The following ADGRV1 variants were observed in gnomAD, a reference collection of about 807,000 sequenced individuals.
The protein encoded by ADGRV1 is G-protein coupled receptor 98.
In ADGRV1, 359 loss-of-function variants were observed where a neutral mutation model predicts 596.2. That is an observed-to-expected ratio of 0.60 (90% confidence interval 0.55 to 0.66). The LOEUF (loss-of-function observed/expected upper bound fraction) is 0.66. ADGRV1 is among the 30% of genes least tolerant of loss of function. The pLI is 0.00. For synonymous variants in ADGRV1, 2,681 were observed against 2,679.2 expected (o/e 1.00, Z -0.02); for missense variants, 7,274 against 7,575.6 (o/e 0.96, Z 1.48).
intron 9 of ADGRV1, chr5:90,630,472 AAT>A (rs1421748263): frequency 6.6e-6 from 1 of 152,174 alleles, no homozygotes; most frequent in Non-Finnish European, 1.5e-5. Context: ...CAAAGTATAA[AAT>A]ATCTGCACTC....
At position 90,706,268 on chromosome 5, in the gene ADGRV1, GCTGAGT is replaced by G. The variant is rs746243525; in HGVS notation, c.8609_8614del (p.Ser2870_Leu2871del). 1 of 1,613,364 alleles carries G rather than the reference GCTGAGT, an allele frequency of 6.2e-7. No individual in the cohort carries two copies. Among genetic ancestry groups the G allele is most frequent in the South Asian group, 1.1e-5 (1 of 90,900 alleles). On this transcript the variant is annotated inframe_deletion, in exon 38 of 90. Transcript: ENST00000405460. ...TCACATATACCACGGTTCCTGGAAT[GCTGAGT>G]CTGAAGAACCAAACAGTAGGAAACC...
At chr5:90,782,596 A>G (rs1317884000) in intron 65 of ADGRV1, among the ~76,000 whole-genome samples, 2 of 152,170 alleles carry the variant, frequency 1.3e-5, no homozygotes, top group Non-Finnish European at 2.9e-5. Context: ...CAAACATTGA[A>G]GACACATTTT....
chr5:90,877,690 A>T (rs1769348120), intron 83 of ADGRV1, among the ~76,000 whole-genome samples: 1 of 151,640 alleles, frequency 6.6e-6, no homozygotes, highest in Non-Finnish European at 1.5e-5. Flanking sequence ...AAGTGAAGAG[A>T]TAGGAAAAAA....
chr5:90,800,184 C>G (rs1581164552), intron 70 of ADGRV1, among the ~76,000 whole-genome samples: 1 of 152,034 alleles, frequency 6.6e-6, no homozygotes, highest in African/African-American at 2.4e-5. Flanking sequence ...ATCCATCTGA[C>G]AAAGGGCTAA....
rs541568962 is a variant in ADGRV1 at position 91,052,893 on chromosome 5, A to G, written c.18153-19554A>G. Reference sequence around the variant, plus strand: ...AAAGGCCTCTCCTCCCCCCAGAAACATGCTTCTATAGTATTCTTCAGTTTG... The same window carrying G: ...AAAGGCCTCTCCTCCCCCCAGAAACGTGCTTCTATAGTATTCTTCAGTTTG... On this transcript the variant is annotated intron_variant, in intron 85 of 89. Transcript: ENST00000405460. Among the ~76,000 whole-genome samples the G allele has an allele frequency of 1.2e-4, 19 of 152,234 alleles. No individual in the cohort carries two copies. The East Asian group carries it at 3.5e-3, about 28-fold the overall frequency.
At chr5:91,101,789 G>GCACACA (rs144940667) in intron 86 of ADGRV1, among the ~76,000 whole-genome samples, 4 of 150,636 alleles carry the variant, frequency 2.7e-5, no homozygotes, top group South Asian at 2.1e-4. Flanking sequence ...ACGTGCGCAT[G>GCACACA]CACACACACA....
At chr5:90,835,795 C>A (rs1432322493) in intron 77 of ADGRV1, among the ~76,000 whole-genome samples, 1 of 151,930 alleles carries the variant, frequency 6.6e-6, no homozygotes, top group African/African-American at 2.4e-5. Flanking sequence ...TAAGATATTC[C>A]CAGATGAAGG....
chr5:90,676,259 T>C (rs1392048805), intron 25 of ADGRV1, 50 bp downstream of exon 25: 3 of 1,551,430 alleles, frequency 1.9e-6, no homozygotes, highest in Non-Finnish European at 2.6e-6. Context: ...CTACCCATGC[T>C]GATGAAAGTA....
chr5:90,732,888 A>G (rs1752733455), intron 50 of ADGRV1, among the ~76,000 whole-genome samples: 3 of 152,232 alleles, frequency 2.0e-5, no homozygotes, highest in Admixed American at 6.5e-5. Flanking sequence ...GACCTCTGAA[A>G]TCCTCTAAAA....
intron 83 of ADGRV1, among the ~76,000 whole-genome samples, chr5:90,877,443 A>G (rs190118917): frequency 4.6e-5 from 7 of 152,304 alleles, no homozygotes; most frequent in Non-Finnish European, 5.9e-5. Context: ...CCACAGATAC[A>G]TTTTAGTGTC....
chr5:90,561,974 CA>C (rs1194266405), intron 1 of ADGRV1, among the ~76,000 whole-genome samples: 1 of 152,038 alleles, frequency 6.6e-6, no homozygotes, highest in Non-Finnish European at 1.5e-5. Flanking sequence ...AAAGATAATG[CA>C]AAGTCATGCA....
At position 90,684,165 on chromosome 5, in the gene ADGRV1, A is replaced by G. The variant is rs772042646; in HGVS notation, c.6244A>G (p.Thr2082Ala). Residue 2082 changes from threonine (T) to alanine (A), a missense_variant, in exon 28 of 90, where the codon ACT (threonine) becomes GCT (alanine). Physicochemically the swap from Thr to Ala is moderately conservative, Grantham distance 58 (BLOSUM62 0). Transcript: ENST00000405460. ...TGTCTTTATCGAACTACTCAACTCT[A>G]CTTTAGTAGCGAAAGTACAGAGTCG... ...ESVFIELLNS[T>A]LVAKVQSRSI... The G allele has an allele frequency of 6.2e-7, 1 of 1,613,062 alleles. No homozygotes were observed. Among genetic ancestry groups the G allele is most frequent in the Non-Finnish European group, 8.5e-7 (1 of 1,179,428 alleles).
intron 83 of ADGRV1, among the ~76,000 whole-genome samples, chr5:90,955,589 T>A (rs1777404616): frequency 1.3e-5 from 2 of 152,238 alleles, no homozygotes; most frequent in African/African-American, 2.4e-5. Flanking sequence ...TGAAAAGATC[T>A]GATTTGTAAA....
At chr5:90,643,093 G>A (rs893214261) in intron 13 of ADGRV1, 52 bp downstream of exon 13, 32 of 1,401,028 alleles carry the variant, frequency 2.3e-5, no homozygotes, top group Non-Finnish European at 3.1e-5. Flanking sequence ...GATAGTATTT[G>A]GTATATTATG....
At chr5:90,761,469 T>C (rs560597030) in intron 58 of ADGRV1, among the ~76,000 whole-genome samples, 39 of 152,354 alleles carry the variant, frequency 2.6e-4, no homozygotes, top group Admixed American at 2.4e-3. Context: ...TATTCAAATC[T>C]TCAATTGATG....
chr5:90,598,818 A>G (rs1761041888), intron 1 of ADGRV1, among the ~76,000 whole-genome samples: 1 of 152,210 alleles, frequency 6.6e-6, no homozygotes, highest in Non-Finnish European at 1.5e-5. Flanking sequence ...CATTTGCACC[A>G]TGGGTGTTGT....
At chr5:90,571,573 T>C (rs1756535102) in intron 1 of ADGRV1, among the ~76,000 whole-genome samples, 1 of 152,176 alleles carries the variant, frequency 6.6e-6, no homozygotes, top group Non-Finnish European at 1.5e-5. Context: ...TCTATAAACA[T>C]TTTTGACAAG....
intron 74 of ADGRV1, among the ~76,000 whole-genome samples, chr5:90,813,927 C>T (rs1762679375): frequency 2.6e-5 from 4 of 152,244 alleles, no homozygotes; most frequent in African/African-American, 9.6e-5. Flanking sequence ...AATCATTTTA[C>T]TAGAAATTTG....
chr5:90,803,500 A>G (rs1048603756), intron 71 of ADGRV1, among the ~76,000 whole-genome samples: 3 of 152,144 alleles, frequency 2.0e-5, no homozygotes, highest in African/African-American at 7.2e-5. Context: ...ATATAATTCT[A>G]TCCTACTCCT....
Sources: allele counts gnomAD v4.1 joint callset (sites outside exome capture counted in the v4.1 genomes callset), GRCh38; gene constraint gnomAD v4.1.1; transcripts MANE v1.5; gene names NCBI Gene and HGNC (gene_info 2026-07-23, HGNC 2026-07-21).